The following CCSER2 variants were observed in gnomAD, a reference collection of about 807,000 sequenced individuals.
CCSER2 encodes serine-rich coiled-coil domain-containing protein 2.
Under a neutral mutation model 92.3 loss-of-function variants are expected in CCSER2, and 46 were observed. That is an observed-to-expected ratio of 0.50 (90% confidence interval 0.39 to 0.64). The LOEUF is 0.64. Ranked by LOEUF, CCSER2 falls within the 30% of genes least tolerant of loss-of-function variation. CCSER2 has a pLI of 0.00. For synonymous variants in CCSER2, 433 were observed against 431.4 expected, an observed-to-expected ratio of 1.00 and a Z score of -0.04; for missense variants, 1,244 against 1,238.9, an observed-to-expected ratio of 1.00 and a Z score of -0.06.
At chr10:84,461,497 T>G (rs1846098645) in intron 6 of CCSER2, among the ~76,000 whole-genome samples, 1 of 152,192 alleles carries the variant, frequency 6.6e-6, no homozygotes, top group South Asian at 2.1e-4. Context: ...ACCAATCTTG[T>G]TGCTCTTCAT....
At chr10:84,377,636 A>G (rs1216706338) in intron 3 of CCSER2, among the ~76,000 whole-genome samples, 1 of 152,146 alleles carries the variant, frequency 6.6e-6, no homozygotes, top group Non-Finnish European at 1.5e-5. Flanking sequence ...TTTCCAATTA[A>G]ATATTAGAAT....
chr10:84,513,666 C>T lies in CCSER2; in HGVS notation c.2543C>T (p.Thr848Ile). The change falls in exon 10 of 10, where the codon ACA (threonine) becomes ATA (isoleucine). Residue 848 changes from threonine (T) to isoleucine (I), a missense_variant. Coordinates refer to ENST00000372088, the MANE Select transcript of CCSER2 (RefSeq NM_001284240.2). ...CCTTTTTCATCAGGCCCACAATTAA[C>T]AATGGATGTGGCTAAGAGTACACCT... The part of the protein sequence containing the change: ...EQPFSSGPQL[T>I]MDVAKSTPSE... 1 of 1,564,998 alleles carries T rather than the reference C, an allele frequency of 6.4e-7. No homozygotes were observed. The highest frequency in any genetic ancestry group is 8.6e-7 in the Non-Finnish European group (1 of 1,158,262).
intron 9 of CCSER2, among the ~76,000 whole-genome samples, chr10:84,486,296 CTAGATCCTTGAGGAA>C (rs1303054595): frequency 6.6e-6 from 1 of 152,162 alleles, no homozygotes; most frequent in East Asian, 1.9e-4. Context: ...ATTTCTAGTT[CTAGATCCTTGAGGAA>C]TCACTACACT....
chr10:84,418,445 C>T (rs1842982443), intron 4 of CCSER2, among the ~76,000 whole-genome samples: 1 of 152,040 alleles, frequency 6.6e-6, no homozygotes, highest in South Asian at 2.1e-4. Context: ...ATCTTAAAGA[C>T]TGTTGGAGAA....
chr10:84,465,363 C>T (rs1040140310), intron 7 of CCSER2, among the ~76,000 whole-genome samples: 2 of 125,388 alleles, frequency 1.6e-5, no homozygotes, highest in Non-Finnish European at 3.2e-5. Context: ...CTTGCTCTGT[C>T]ACCCAGGCTG....
At chr10:84,503,439 C>T (rs562997765) in intron 9 of CCSER2, among the ~76,000 whole-genome samples, 2 of 152,230 alleles carry the variant, frequency 1.3e-5, no homozygotes, top group South Asian at 4.1e-4. Context: ...AGCTTTTGTA[C>T]AAATTCACTT....
intron 6 of CCSER2, among the ~76,000 whole-genome samples, chr10:84,443,131 G>T (rs1478609021): frequency 6.6e-6 from 1 of 152,196 alleles, no homozygotes; most frequent in Admixed American, 6.5e-5. Flanking sequence ...GGCAGCAAAA[G>T]CCAAAATTGA....
At chr10:84,377,443 T>G (rs569683327) in intron 3 of CCSER2, among the ~76,000 whole-genome samples, 1 of 152,338 alleles carries the variant, frequency 6.6e-6, no homozygotes, top group South Asian at 2.1e-4. Flanking sequence ...GGGTCATCTT[T>G]GTCATAAATC....
At chr10:84,440,772 G>T (rs796946414) in intron 6 of CCSER2, among the ~76,000 whole-genome samples, 6 of 152,192 alleles carry the variant, frequency 3.9e-5, no homozygotes, top group African/African-American at 1.4e-4. Flanking sequence ...CTTTATCCTG[G>T]TCTCACATTT....
At chr10:84,478,532 GTT>G (rs1365189293) in intron 9 of CCSER2, among the ~76,000 whole-genome samples, 2 of 152,128 alleles carry the variant, frequency 1.3e-5, no homozygotes, top group African/African-American at 2.4e-5. Context: ...TTATAAAAGA[GTT>G]TTGTTTCTTT....
intron 9 of CCSER2, among the ~76,000 whole-genome samples, chr10:84,490,983 G>C (rs1471869233): frequency 1.3e-5 from 2 of 152,240 alleles, no homozygotes; most frequent in East Asian, 3.8e-4. Context: ...CTGCAGGTCT[G>C]TTGGAATTTG....
chr10:84,410,012 G>A (rs990815842), intron 3 of CCSER2, among the ~76,000 whole-genome samples: 4 of 152,066 alleles, frequency 2.6e-5, no homozygotes, highest in African/African-American at 4.8e-5. Flanking sequence ...GAGAACGTGC[G>A]GTCTTTGGTT....
chr10:84,362,136 T>C (rs974035710), intron 1 of CCSER2, among the ~76,000 whole-genome samples: 4 of 152,218 alleles, frequency 2.6e-5, no homozygotes, highest in Non-Finnish European at 2.9e-5. Context: ...ATGTTACTCC[T>C]GTTACTGTTC....
In CCSER2 at chr10:84,513,476, C is replaced by T. The variant is rs1849471982; in HGVS notation, c.2353C>T (p.Leu785Phe). 2.5e-6 allele frequency: 4 copies of T among 1,611,590 alleles called. No homozygotes were observed. Among genetic ancestry groups the T allele is most frequent in the Middle Eastern group, 3.3e-4 (2 of 6,050 alleles). The change falls in exon 10 of 10, where the codon CTT (leucine) becomes TTT (phenylalanine). Residue 785 changes from leucine to phenylalanine, a missense_variant. Coordinates refer to ENST00000372088, the MANE Select transcript of CCSER2 (RefSeq NM_001284240.2). ...TCAAGTACTACAGCCTTCCAGCAGC[C>T]TTCCCAGACCCACAGATCACACCCA... ...PPQVLQPSSS[L>F]PRPTDHTQGK...
chr10:84,345,023 G>A (rs1406451584), intron 1 of CCSER2, among the ~76,000 whole-genome samples: 1 of 152,140 alleles, frequency 6.6e-6, no homozygotes, highest in African/African-American at 2.4e-5. Context: ...CTGTTTTTAG[G>A]TATTTGTACT....
chr10:84,333,871 C>G (rs1231938171), intron 1 of CCSER2, among the ~76,000 whole-genome samples: 2 of 152,198 alleles, frequency 1.3e-5, no homozygotes, highest in Non-Finnish European at 2.9e-5. Flanking sequence ...ACAGCGTTGA[C>G]TGTGATGTAT....
intron 1 of CCSER2, among the ~76,000 whole-genome samples, chr10:84,331,559 G>C (rs755043540): frequency 1.3e-5 from 2 of 152,166 alleles, no homozygotes; most frequent in African/African-American, 4.8e-5. Flanking sequence ...CTGGCTAATA[G>C]CATGGCTAAA....
In CCSER2 at chr10:84,457,266, T is replaced by TATATATAA. The variant is rs1564684445; in HGVS notation, c.2065-6666_2065-6659dup. Among the ~76,000 whole-genome samples, 106 of 24,496 alleles carry TATATATAA rather than the reference T, an allele frequency of 4.3e-3. 1 individual carries two copies. The highest frequency in any genetic ancestry group is 6.2e-3 in the Admixed American group (8 of 1,294). 16.1% of individuals were successfully genotyped at this position (24,496 alleles called of 152,430 possible). A position where few individuals can be genotyped will look rare whatever the true frequency, so the allele number is the denominator to read the frequency against. ...ATATTATATATTATATAAAATATAT[T>TATATATAA]ATATATAATATATTATATATTATAT... On this transcript the variant is annotated intron_variant, in intron 6 of 9. Transcript: ENST00000372088.
chr10:84,399,688 C>T (rs1842015214), intron 3 of CCSER2, among the ~76,000 whole-genome samples: 1 of 151,874 alleles, frequency 6.6e-6, no homozygotes, highest in Non-Finnish European at 1.5e-5. Context: ...TGTTTCTGTG[C>T]CCCTTTTCTA....
Sources: gnomAD v4.1 joint callset for allele counts (sites outside exome capture counted in the v4.1 genomes callset) on GRCh38, gnomAD v4.1.1 for gene constraint, MANE v1.5 for transcripts, NCBI Gene and HGNC (gene_info 2026-07-23, HGNC 2026-07-21) for gene names.